The following PHLDB2 variants were observed in gnomAD, a reference collection of about 807,000 sequenced individuals.
PHLDB2 encodes the protein pleckstrin homology-like domain family B member 2.
Under a neutral mutation model 123.6 loss-of-function variants are expected in PHLDB2, and 71 were observed. That is an observed-to-expected ratio of 0.57 (90% CI 0.47 to 0.70). PHLDB2 has a LOEUF of 0.70. PHLDB2 is among the 30% of genes least tolerant of loss of function. The probability of loss-of-function intolerance (pLI) is 0.00; values close to 1 mark genes in which losing one functional copy is unlikely to be tolerated. For missense variants in PHLDB2, 1,446 were observed against 1,519.5 expected (o/e 0.95, Z 0.80); for synonymous variants, 547 against 541.6 (o/e 1.01, Z -0.14).
At chr3:111,777,359 T>C (rs528984402) in intron 1 of PHLDB2, among the ~76,000 whole-genome samples, 1 of 152,282 alleles carries the variant, frequency 6.6e-6, no homozygotes, top group Admixed American at 6.5e-5. Flanking sequence ...TCTCCTATTT[T>C]CTTTCTTTTT....
intron 13 of PHLDB2, among the ~76,000 whole-genome samples, chr3:111,964,229 A>G (rs1256836894): frequency 6.6e-6 from 1 of 152,192 alleles, no homozygotes; most frequent in East Asian, 1.9e-4. Context: ...ACTACTTGTC[A>G]GGAATTACCA....
intron 3 of PHLDB2, chr3:111,915,117 G>GATTA (rs1440435899): frequency 6.6e-6 from 1 of 152,148 alleles, no homozygotes; most frequent in Admixed American, 6.5e-5. Flanking sequence ...GAATAAGTAG[G>GATTA]ATTAATGTAT....
chr3:111,851,027 C>G (rs1312883040), intron 2 of PHLDB2, among the ~76,000 whole-genome samples: 1 of 151,104 alleles, frequency 6.6e-6, no homozygotes, highest in African/African-American at 2.4e-5. Context: ...AACCCCGTCT[C>G]TACTAAAAAT....
intron 2 of PHLDB2, chr3:111,911,646 C>G (rs2067889996): frequency 4.6e-6 from 7 of 1,536,156 alleles, no homozygotes; most frequent in Non-Finnish European, 6.1e-6. Flanking sequence ...GAGTGTGTAG[C>G]TATGAGTGCC....
At chr3:111,929,215 G>A (rs2068974475) in intron 5 of PHLDB2, among the ~76,000 whole-genome samples, 1 of 152,194 alleles carries the variant, frequency 6.6e-6, no homozygotes, top group African/African-American at 2.4e-5. Flanking sequence ...GCAGTGAACT[G>A]TGATCATACC....
chr3:111,809,486 G>A (rs2061736157), intron 1 of PHLDB2, among the ~76,000 whole-genome samples: 1 of 152,186 alleles, frequency 6.6e-6, no homozygotes, highest in South Asian at 2.1e-4. Flanking sequence ...AGCCTCACAA[G>A]CCTGATTTCC....
intron 1 of PHLDB2, among the ~76,000 whole-genome samples, chr3:111,870,048 C>A (rs867233327): frequency 6.6e-6 from 1 of 152,134 alleles, no homozygotes; most frequent in Non-Finnish European, 1.5e-5. Context: ...TACTAACAGG[C>A]TTTTTTCTCT....
intron 1 of PHLDB2, among the ~76,000 whole-genome samples, chr3:111,805,492 C>T (rs2061542703): frequency 6.9e-6 from 1 of 144,950 alleles, no homozygotes; most frequent in East Asian, 2.6e-4. Flanking sequence ...ACCTGGGAGG[C>T]GGAGCTTGCA....
At position 111,900,033 on chromosome 3, in the gene PHLDB2, C is replaced by T. The variant is rs1240079956; in HGVS notation, c.1336-13286C>T. ...TTTATGTTATGGAGACAATGTCTTTCCTTAAACCTCATGACCCAGCCTCTG... is the reference window on the plus strand; with the variant it reads ...TTTATGTTATGGAGACAATGTCTTTTCTTAAACCTCATGACCCAGCCTCTG... On this transcript the variant is annotated intron_variant, in intron 2 of 17. Transcript: ENST00000431670. Among the ~76,000 whole-genome samples the T allele has an allele frequency of 2.6e-5, 4 of 152,226 alleles. No homozygotes were observed. The East Asian group carries it at 5.8e-4, about 22-fold the overall frequency.
intron 1 of PHLDB2, among the ~76,000 whole-genome samples, chr3:111,883,327 G>T (rs2066022484): frequency 6.6e-6 from 1 of 151,928 alleles, no homozygotes; most frequent in South Asian, 2.1e-4. Flanking sequence ...CCTGATAGTT[G>T]TTTCTGCTAG....
At position 111,940,518 on chromosome 3, in the gene PHLDB2, C is replaced by G; in HGVS notation, c.2287-17C>G. The G allele has an allele frequency of 6.7e-7, 1 of 1,482,852 alleles. No homozygotes were observed. Among genetic ancestry groups the G allele is most frequent in the Non-Finnish European group, 9.3e-7 (1 of 1,071,162 alleles). 91.9% of individuals were successfully genotyped at this position (1,482,852 alleles called of 1,614,324 possible). ...TGTCTAATGTACATCTTCCTATGAT[C>G]ATCTCTTTTCCTCCAGGAAAAAATT... On this transcript the variant is annotated splice_polypyrimidine_tract_variant and intron_variant, in intron 7 of 17. Coordinates refer to ENST00000431670, the MANE Select transcript of PHLDB2 (RefSeq NM_001134438.2).
intron 1 of PHLDB2, among the ~76,000 whole-genome samples, chr3:111,758,561 T>C (rs908257110): frequency 1.3e-5 from 2 of 152,184 alleles, no homozygotes; most frequent in East Asian, 3.9e-4. Context: ...ACTTCCCGAG[T>C]GAGGCAATGC....
chr3:111,873,094 T>C, intron 1 of PHLDB2, among the ~76,000 whole-genome samples: 1 of 152,222 alleles, frequency 6.6e-6, no homozygotes, highest in East Asian at 1.9e-4. Context: ...CAGATATGCA[T>C]GGCCAAGAAG....
At chr3:111,902,138 G>A (rs1394876031) in intron 2 of PHLDB2, among the ~76,000 whole-genome samples, 1 of 152,110 alleles carries the variant, frequency 6.6e-6, no homozygotes, top group African/African-American at 2.4e-5. Context: ...AAAATATAGA[G>A]GATCCTAGAT....
rs780407265 is a variant in PHLDB2 at position 111,884,767 on chromosome 3, A to C, written c.690A>C (p.Ala230=). ...AGTTAACTAGACACAAGGAGCTTGC[A>C]TCTGAAAACATCAATTTGAGAACTA... ...QPKLTRHKEL[A]SENINLRTRK... The change falls in exon 2 of 18, where the codon GCA becomes GCC. Residue 230 remains alanine, a synonymous_variant. Coordinates refer to ENST00000431670, the MANE Select transcript of PHLDB2 (RefSeq NM_001134438.2). 1 of 1,614,100 alleles carries C rather than the reference A, an allele frequency of 6.2e-7. No homozygotes were observed. The highest frequency in any genetic ancestry group is 1.1e-5 in the South Asian group (1 of 91,064).
chr3:111,812,921 T>C (rs1050947079), intron 1 of PHLDB2, among the ~76,000 whole-genome samples: 8 of 152,146 alleles, frequency 5.3e-5, no homozygotes, highest in Non-Finnish European at 1.2e-4. Context: ...GGGAAAACAT[T>C]ACAAACATTG....
chr3:111,961,803 T>G, intron 12 of PHLDB2: 1 of 331,022 alleles, frequency 3.0e-6, no homozygotes, highest in Non-Finnish European at 5.5e-6. Flanking sequence ...GGGCCTTTGA[T>G]TGTGTTTCTG....
intron 1 of PHLDB2, among the ~76,000 whole-genome samples, chr3:111,816,732 T>C (rs1250732824): frequency 3.3e-5 from 5 of 152,180 alleles, no homozygotes; most frequent in African/African-American, 1.2e-4. Flanking sequence ...GGGGGACTGT[T>C]GGGAATGCAT....
chr3:111,783,730 G>A (rs562218236), intron 1 of PHLDB2, among the ~76,000 whole-genome samples: 25 of 152,140 alleles, frequency 1.6e-4, no homozygotes, highest in South Asian at 6.2e-4. Flanking sequence ...AAAATTCTAG[G>A]ATAAATATTA....
Sources: gnomAD v4.1 joint callset for allele counts (sites outside exome capture counted in the v4.1 genomes callset) on GRCh38, gnomAD v4.1.1 for gene constraint, MANE v1.5 for transcripts, NCBI Gene and HGNC (gene_info 2026-07-23, HGNC 2026-07-21) for gene names.